The following PRKCB variants were observed in gnomAD, a reference collection of about 807,000 sequenced individuals.
The protein encoded by PRKCB is protein kinase C beta.
PRKCB carries 13 observed loss-of-function variants against 81.5 expected under a neutral mutation model. That is an observed-to-expected ratio of 0.16 (90% CI 0.10 to 0.25). PRKCB has a LOEUF of 0.25. Among genes scored for constraint, PRKCB ranks in the 10% least tolerant of loss-of-function variants. The pLI is 1.00. For synonymous variants in PRKCB, 335 were observed against 321.4 expected, an observed-to-expected ratio of 1.04 and a Z score of -0.45; for missense variants, 509 against 875.7, an observed-to-expected ratio of 0.58 and a Z score of 5.29.
Position 24,083,399 on chromosome 16 carries a change from T to C in PRKCB, c.530-9392T>C, listed in dbSNP as rs138885120. ...CAAGAACCCGTGAGTATATCAGCTC[T>C]ATTTGTAATCACTAAAATTTGAAGA... On this transcript the variant is annotated intron_variant, in intron 5 of 16. Transcript: ENST00000643927. 2.2e-3 allele frequency among the ~76,000 whole-genome samples: 338 copies of C among 152,380 alleles called. 2 individuals carry two copies. Among genetic ancestry groups the C allele is most frequent in the African/African-American group, 7.7e-3 (322 of 41,598 alleles).
At chr16:23,860,303 A>G (rs145104962) in intron 2 of PRKCB, among the ~76,000 whole-genome samples, 20 of 152,282 alleles carry the variant, frequency 1.3e-4, no homozygotes, top group African/African-American at 3.8e-4. Context: ...CTTGATACAT[A>G]GAAATATCAT....
intron 9 of PRKCB, among the ~76,000 whole-genome samples, chr16:24,153,742 C>T (rs1217783317): frequency 6.6e-6 from 1 of 152,130 alleles, no homozygotes; most frequent in East Asian, 1.9e-4. Context: ...CACAGCACAG[C>T]TCATAGAAGG....
chr16:24,101,511 C>A (rs776797010), intron 7 of PRKCB, among the ~76,000 whole-genome samples: 3 of 152,130 alleles, frequency 2.0e-5, no homozygotes, highest in African/African-American at 4.8e-5. Flanking sequence ...CGCACTCCAG[C>A]CTAGGCAATG....
At chr16:24,121,979 A>G (rs1409392006) in intron 8 of PRKCB, among the ~76,000 whole-genome samples, 1 of 152,244 alleles carries the variant, frequency 6.6e-6, no homozygotes, top group Non-Finnish European at 1.5e-5. Context: ...GGAAAGCAAA[A>G]CAGACAAAAT....
chr16:24,182,889 G>A (rs993890533), intron 13 of PRKCB, among the ~76,000 whole-genome samples: 14 of 151,574 alleles, frequency 9.2e-5, no homozygotes, highest in Non-Finnish European at 2.1e-4. Context: ...GTGTGTGTGT[G>A]TGTGTGTGTG....
Position 24,023,526 on chromosome 16 carries a change from G to A in PRKCB, c.289-8610G>A, listed in dbSNP as rs187722037. ...TGGGACTACAGGCGCCCGCCACCACGCCCGGCTAATTTTTTGTATTTTTAG... is the reference window on the plus strand; with the variant it reads ...TGGGACTACAGGCGCCCGCCACCACACCCGGCTAATTTTTTGTATTTTTAG... On this transcript the variant is annotated intron_variant, in intron 3 of 16. Coordinates refer to ENST00000643927, the MANE Select transcript of PRKCB (RefSeq NM_002738.7). Among the ~76,000 whole-genome samples, 616 of 152,128 alleles carry A rather than the reference G, an allele frequency of 4.0e-3. 5 individuals are homozygous for A. The highest frequency in any genetic ancestry group is 6.2e-3 in the Non-Finnish European group (424 of 67,986).
At chr16:23,882,597 T>A (rs1184714756) in intron 2 of PRKCB, among the ~76,000 whole-genome samples, 1 of 152,224 alleles carries the variant, frequency 6.6e-6, no homozygotes, top group Non-Finnish European at 1.5e-5. Context: ...GTAGCATATG[T>A]CAGAATTTTC....
intron 9 of PRKCB, among the ~76,000 whole-genome samples, chr16:24,129,359 A>G (rs539607527): frequency 1.1e-4 from 17 of 152,308 alleles, no homozygotes; most frequent in African/African-American, 3.8e-4. Context: ...ACATAGATCT[A>G]TAACCATAAA....
At chr16:24,213,526 A>G (rs1968178849) in intron 16 of PRKCB, among the ~76,000 whole-genome samples, 1 of 152,214 alleles carries the variant, frequency 6.6e-6, no homozygotes, top group Admixed American at 6.5e-5. Flanking sequence ...AAATAAGGTA[A>G]TGCAAGTAAA....
chr16:23,936,666 C>A (rs924334584), intron 2 of PRKCB, among the ~76,000 whole-genome samples: 3 of 148,376 alleles, frequency 2.0e-5, no homozygotes, highest in Non-Finnish European at 4.4e-5. Context: ...CTCAAGCGAT[C>A]CACCTGCCTT....
Position 24,193,133 on chromosome 16 carries a change from AT to A in PRKCB, c.1863+1908del, listed in dbSNP as rs1190689972. On this transcript the variant is annotated intron_variant, in intron 16 of 16. Transcript: ENST00000643927. The stretch of plus-strand genomic sequence containing the variant: ...TACCACCATGTCTGCCTAATTTTTT[AT>A]TTTTATTTTTAAATAAATGGGGTCT... 5.3e-5 allele frequency among the ~76,000 whole-genome samples: 8 copies of A among 151,740 alleles called. No individual in the cohort carries two copies. The East Asian group carries it at 1.6e-3, about 30-fold the overall frequency.
At chr16:23,937,848 T>G (rs1964083824) in intron 2 of PRKCB, among the ~76,000 whole-genome samples, 1 of 152,214 alleles carries the variant, frequency 6.6e-6, no homozygotes, top group African/African-American at 2.4e-5. Context: ...GCAGTTAACT[T>G]GTGCAGTGGT....
chr16:23,886,414 T>A (rs1004048918), intron 2 of PRKCB, among the ~76,000 whole-genome samples: 1 of 109,986 alleles, frequency 9.1e-6, no homozygotes, highest in Non-Finnish European at 2.0e-5. Flanking sequence ...GTGTTTTTTT[T>A]TTTTTTTTTT....
At chr16:24,047,094 T>A (rs904493982) in intron 5 of PRKCB, among the ~76,000 whole-genome samples, 2 of 152,006 alleles carry the variant, frequency 1.3e-5, no homozygotes, top group African/African-American at 4.8e-5. Flanking sequence ...ATCCCAGCAC[T>A]TGGGGAGTCT....
intron 3 of PRKCB, among the ~76,000 whole-genome samples, chr16:23,999,319 A>G (rs1266209842): frequency 2.0e-5 from 3 of 152,218 alleles, no homozygotes; most frequent in Non-Finnish European, 4.4e-5. Flanking sequence ...GCTTGGTTGC[A>G]TCCTCTACCC....
intron 16 of PRKCB, among the ~76,000 whole-genome samples, chr16:24,203,747 C>T (rs909415863): frequency 2.0e-5 from 3 of 152,178 alleles, no homozygotes; most frequent in Non-Finnish European, 4.4e-5. Context: ...AATGCCCCCC[C>T]AAATGGCATA....
chr16:23,850,638 T>C (rs1415934108), intron 2 of PRKCB, among the ~76,000 whole-genome samples: 1 of 152,214 alleles, frequency 6.6e-6, no homozygotes, highest in Non-Finnish European at 1.5e-5. Flanking sequence ...GTGCTGGAAT[T>C]ACAGGTGTCA....
chr16:24,022,339 A>G (rs1390226857), intron 3 of PRKCB, among the ~76,000 whole-genome samples: 2 of 152,026 alleles, frequency 1.3e-5, no homozygotes, highest in South Asian at 2.1e-4. Flanking sequence ...GTGTAAGACA[A>G]TAGGGAAGAG....
chr16:23,950,668 G>A (rs764893259), intron 2 of PRKCB, among the ~76,000 whole-genome samples: 48 of 152,340 alleles, frequency 3.2e-4, no homozygotes, highest in African/African-American at 8.7e-4. Context: ...GAACAGAGGG[G>A]CCTCCTGGCA....
Sources: allele counts gnomAD v4.1 joint callset (sites outside exome capture counted in the v4.1 genomes callset), GRCh38; gene constraint gnomAD v4.1.1; transcripts MANE v1.5; gene names NCBI Gene and HGNC (gene_info 2026-07-23, HGNC 2026-07-21).